Variants in SLIT1 observed in about 807,000 individuals in gnomAD.
SLIT1 encodes slit homolog 1 protein.
A neutral mutation model predicts 186.1 loss-of-function variants in SLIT1; 66 were observed. That is an observed-to-expected ratio of 0.35 (90% CI 0.29 to 0.44). The LOEUF (loss-of-function observed/expected upper bound fraction) is 0.44. Among genes scored for constraint, SLIT1 ranks in the 20% least tolerant of loss-of-function variants. SLIT1 has a pLI of 1.00. For synonymous variants in SLIT1, 761 were observed against 833.8 expected (o/e 0.91, Z 1.50); for missense variants, 1,638 against 2,037.4 (o/e 0.80, Z 3.77).
At chr10:97,169,036 C>T (rs145041379) in intron 1 of SLIT1, among the ~76,000 whole-genome samples, 2 of 152,232 alleles carry the variant, frequency 1.3e-5, no homozygotes, top group African/African-American at 2.4e-5. Flanking sequence ...AGTGCAGGTG[C>T]GGAGGTGCAT....
At position 97,014,245 on chromosome 10, in the gene SLIT1, G is replaced by A. The variant is rs541582063; in HGVS notation, c.2970-87C>T. The A allele has an allele frequency of 2.7e-4, 397 of 1,493,568 alleles. 8 individuals are homozygous for A. In the East Asian group the frequency reaches 8.3e-3, roughly 31 times the overall value. The allele number at this position is 1,493,568 out of a possible 1,614,324, so 92.5% of individuals were successfully genotyped here. ...CTGCCGGTTAATATCACCATTCCAC[G>A]GAGTTAGGGTCCCTAATCCCGGCCA... On this transcript the variant is annotated intron_variant, in intron 28 of 36. Transcript: ENST00000266058.
intron 4 of SLIT1, among the ~76,000 whole-genome samples, chr10:97,098,803 C>T (rs922256542): frequency 2.2e-4 from 34 of 152,326 alleles, no homozygotes; most frequent in African/African-American, 8.2e-4. Context: ...AGTGATGGGG[C>T]TCCCAATTCC....
At chr10:97,091,430 T>C (rs1849230880) in intron 4 of SLIT1, among the ~76,000 whole-genome samples, 1 of 152,220 alleles carries the variant, frequency 6.6e-6, no homozygotes, top group African/African-American at 2.4e-5. Context: ...CATTACTGTC[T>C]GGTAGAAAAA....
intron 1 of SLIT1, among the ~76,000 whole-genome samples, chr10:97,185,058 T>C (rs1430377566): frequency 6.6e-6 from 1 of 152,244 alleles, no homozygotes; most frequent in African/African-American, 2.4e-5. Flanking sequence ...TCTGCGCAGC[T>C]GGCTCAGAAC....
At chr10:97,051,297 G>A (rs1848784463) in intron 13 of SLIT1, among the ~76,000 whole-genome samples, 1 of 152,018 alleles carries the variant, frequency 6.6e-6, no homozygotes, top group Admixed American at 6.6e-5. Flanking sequence ...AAGTGTTGGT[G>A]AGGCTGAGAA....
chr10:97,058,175 C>T (rs1422830113), intron 11 of SLIT1: 1 of 665,800 alleles, frequency 1.5e-6, no homozygotes, highest in African/African-American at 1.8e-5. Flanking sequence ...GCCACTGAGA[C>T]AGCATCAGAT....
intron 1 of SLIT1, among the ~76,000 whole-genome samples, chr10:97,183,648 TAA>T (rs1850371747): frequency 6.6e-6 from 1 of 152,158 alleles, no homozygotes. Flanking sequence ...ACAAAAGAGC[TAA>T]AGAGTTCATG....
rs1245283325 is a variant in SLIT1, at chr10:96,999,018, A to T, written c.*2094T>A. 1 of 152,312 alleles carries T rather than the reference A, an allele frequency of 6.6e-6. No individual in the cohort carries two copies. Among genetic ancestry groups the T allele is most frequent in the Non-Finnish European group, 1.5e-5 (1 of 68,112 alleles). The allele number at this position is 152,312 out of a possible 1,614,324, so 9.4% of individuals were successfully genotyped here. A position where few individuals can be genotyped will look rare whatever the true frequency, so the allele number is the denominator to read the frequency against. On this transcript the variant is annotated 3_prime_UTR_variant, in exon 37 of 37. Coordinates refer to ENST00000266058, the MANE Select transcript of SLIT1 (RefSeq NM_003061.3). ...ATCTTTCTCAGGGTTGGTGAGTCCCAGAGCACCTTTCTTCCAGGGAAGAGG... is the reference window on the plus strand; with the variant it reads ...ATCTTTCTCAGGGTTGGTGAGTCCCTGAGCACCTTTCTTCCAGGGAAGAGG...
intron 1 of SLIT1, among the ~76,000 whole-genome samples, chr10:97,166,152 T>C (rs1013214780): frequency 6.6e-6 from 1 of 152,084 alleles, no homozygotes; most frequent in African/African-American, 2.4e-5. Flanking sequence ...GTTCTGCGTA[T>C]GGCCAAGAGT....
At chr10:97,127,714 G>A (rs1849617177) in intron 4 of SLIT1, among the ~76,000 whole-genome samples, 1 of 152,182 alleles carries the variant, frequency 6.6e-6, no homozygotes, top group African/African-American at 2.4e-5. Flanking sequence ...CAACCAGTGT[G>A]CAGGGAGGAC....
chr10:97,020,643 G>A (rs577009963), intron 26 of SLIT1, among the ~76,000 whole-genome samples: 24 of 152,352 alleles, frequency 1.6e-4, no homozygotes, highest in East Asian at 7.7e-4. Flanking sequence ...CGTGCTCCAC[G>A]GCCTCCAGTG....
At chr10:97,114,898 A>C (rs1849495658) in intron 4 of SLIT1, among the ~76,000 whole-genome samples, 1 of 152,210 alleles carries the variant, frequency 6.6e-6, no homozygotes, top group Non-Finnish European at 1.5e-5. Flanking sequence ...CAGCCTCATA[A>C]AGTTGTTGAG....
At chr10:97,110,166 G>A (rs1213718325) in intron 4 of SLIT1, among the ~76,000 whole-genome samples, 2 of 152,278 alleles carry the variant, frequency 1.3e-5, no homozygotes, top group East Asian at 1.9e-4. Flanking sequence ...ACAATTCCAC[G>A]GCTTGAAACC....
At chr10:97,026,100 C>G (rs1320294714) in intron 25 of SLIT1, among the ~76,000 whole-genome samples, 1 of 151,998 alleles carries the variant, frequency 6.6e-6, no homozygotes, top group Non-Finnish European at 1.5e-5. Flanking sequence ...TATTCCCTTC[C>G]ATTTCCTGTG....
chr10:97,135,174 G>A (rs542645112), intron 4 of SLIT1, among the ~76,000 whole-genome samples: 2 of 152,300 alleles, frequency 1.3e-5, no homozygotes, highest in Admixed American at 6.5e-5. Flanking sequence ...CTTCACGAAC[G>A]GGACCCAGCA....
intron 6 of SLIT1, 95 bp downstream of exon 6, chr10:97,064,710 C>T: frequency 3.5e-6 from 3 of 855,098 alleles, no homozygotes; most frequent in Non-Finnish European, 5.6e-6. Context: ...CTCTCCCTTC[C>T]TGTCTCCCTG....
chr10:97,053,047 A>T (rs2134630948), intron 13 of SLIT1, among the ~76,000 whole-genome samples: 1 of 152,350 alleles, frequency 6.6e-6, no homozygotes, highest in African/African-American at 2.4e-5. Context: ...TTCCTGTTTT[A>T]CCGGATGTTC....
intron 4 of SLIT1, among the ~76,000 whole-genome samples, chr10:97,130,821 C>T (rs141798217): frequency 1.7e-4 from 26 of 152,266 alleles, no homozygotes; most frequent in African/African-American, 5.1e-4. Context: ...ACACCAGCAC[C>T]GCTATTGTTT....
rs1850384636 is a variant in SLIT1 at position 97,184,527 on chromosome 10, G to T, written c.197+951C>A. Among the ~76,000 whole-genome samples, 1 of 151,850 alleles carries T rather than the reference G, an allele frequency of 6.6e-6. No individual in the cohort carries two copies. The highest frequency in any genetic ancestry group is 6.6e-5 in the Admixed American group (1 of 15,242). On this transcript the variant is annotated intron_variant, in intron 1 of 36. Transcript: ENST00000266058. The surrounding 1 kb of genome is among the most constrained non-coding windows in gnomAD (Gnocchi z 4.4). ...AATTCACACAGAAACACATTCTGCA[G>T]GAGAGTCACAGAAAACAAAGTATAA... is the stretch of plus-strand genomic sequence containing the variant.
Sources: allele counts gnomAD v4.1 joint callset (sites outside exome capture counted in the v4.1 genomes callset), GRCh38; gene constraint gnomAD v4.1.1; non-coding constraint Gnocchi (gnomAD v3.1); transcripts MANE v1.5; gene names NCBI Gene and HGNC (gene_info 2026-07-23, HGNC 2026-07-21).